Variants in SLC1A6 observed in about 807,000 individuals in gnomAD.
The protein encoded by SLC1A6 is excitatory amino acid transporter 4.
A neutral mutation model predicts 42.1 loss-of-function variants in SLC1A6; 15 were observed. That is an observed-to-expected ratio of 0.36 (90% CI 0.24 to 0.55). The LOEUF is 0.55. Ranked by LOEUF, SLC1A6 falls within the 20% of genes least tolerant of loss-of-function variation. SLC1A6 has a pLI of 0.88. For missense variants in SLC1A6, 542 were observed against 772.5 expected (o/e 0.70, Z 3.54); for synonymous variants, 317 against 319.7 (o/e 0.99, Z 0.09).
At chr19:14,978,741 G>A (rs1019851930) in intron 1 of SLC1A6, among the ~76,000 whole-genome samples, 1 of 150,860 alleles carries the variant, frequency 6.6e-6, no homozygotes, top group African/African-American at 2.4e-5. Flanking sequence ...CACACCTTCA[G>A]AAATGCAATT....
intron 5 of SLC1A6, 129 bp from the exon 6 acceptor site, chr19:14,962,474 T>C: frequency 1.5e-6 from 1 of 645,380 alleles, no homozygotes; most frequent in East Asian, 2.6e-5. Flanking sequence ...TCATTATCGA[T>C]TATCACTCAT....
Position 14,970,075 on chromosome 19 carries a change from T to C in SLC1A6, c.344-1568A>G, listed in dbSNP as rs921376260. ...CAATTAATAGTAGATAACATTTCTC[T>C]TCCTTATCATTTTTTTAATAGACAG... On this transcript the variant is annotated intron_variant, in intron 3 of 9. Transcript: ENST00000594383. 7.9e-5 allele frequency among the ~76,000 whole-genome samples: 12 copies of C among 152,088 alleles called. No individual in the cohort carries two copies. In the East Asian group the frequency reaches 1.9e-3, roughly 25 times the overall value.
intron 8 of SLC1A6, among the ~76,000 whole-genome samples, chr19:14,953,829 T>C (rs1217054496): frequency 6.6e-6 from 1 of 152,028 alleles, no homozygotes; most frequent in African/African-American, 2.4e-5. Flanking sequence ...AATATAAGAA[T>C]CTATATACAA....
At chr19:14,973,821 C>G (rs944933747) in intron 1 of SLC1A6, 3 of 152,302 alleles carry the variant, frequency 2.0e-5, no homozygotes, top group Non-Finnish European at 4.4e-5. Context: ...GCCTGGCAAA[C>G]AGCAGGTGCC....
intron 2 of SLC1A6, among the ~76,000 whole-genome samples, chr19:14,972,472 G>A (rs1439537376): frequency 6.6e-6 from 1 of 152,252 alleles, no homozygotes; most frequent in Non-Finnish European, 1.5e-5. Flanking sequence ...GTGAGTGTGT[G>A]TGTACACATG....
At chr19:14,964,298 A>G (rs1377411272) in intron 5 of SLC1A6, 21 bp downstream of exon 5, 1 of 1,610,656 alleles carries the variant, frequency 6.2e-7, no homozygotes, top group Non-Finnish European at 8.5e-7. Flanking sequence ...TCCTTGATCA[A>G]ACTGTGTACT....
At chr19:15,009,594 G>A (rs2045914772) in intron 1 of SLC1A6, among the ~76,000 whole-genome samples, 1 of 152,030 alleles carries the variant, frequency 6.6e-6, no homozygotes. Context: ...AACAGACATT[G>A]GAGGCTCCCG....
At chr19:14,968,712 C>A (rs2045602994) in intron 3 of SLC1A6, among the ~76,000 whole-genome samples, 1 of 152,030 alleles carries the variant, frequency 6.6e-6, no homozygotes, top group African/African-American at 2.4e-5. Context: ...TACACACCCT[C>A]ACACGCCATC....
upstream of SLC1A6, chr19:14,979,864 T>TGGGGGTGGGC (rs1409992931): frequency 5.6e-5 from 1 of 17,818 alleles, no homozygotes; most frequent in Non-Finnish European, 1.3e-4. The surrounding 1 kb of genome is among the most constrained non-coding windows in gnomAD (Gnocchi z 4.2). Flanking sequence ...GGAGGGGGAC[T>TGGGGGTGGGC]GGGGGTGGGC....
chr19:14,950,158 C>T lies in SLC1A6; in HGVS notation c.*37G>A. On this transcript the variant is annotated 3_prime_UTR_variant, in exon 10 of 10. Transcript: ENST00000594383. ...CACCAGGACTCCCCTCCCCAGCCCC[C>T]TTCCCTCCTCTCTGGGGGGGCAGAG... is the stretch of plus-strand genomic sequence containing the variant. The T allele has an allele frequency of 6.9e-7, 1 of 1,441,482 alleles. No individual in the cohort carries two copies. Among genetic ancestry groups the T allele is most frequent in the Non-Finnish European group, 9.2e-7 (1 of 1,086,900 alleles). The allele number at this position is 1,441,482 out of a possible 1,614,324, so 89.3% of individuals were successfully genotyped here.
chr19:14,992,847 C>T (rs979751317), intron 1 of SLC1A6, among the ~76,000 whole-genome samples: 5 of 152,120 alleles, frequency 3.3e-5, no homozygotes, highest in African/African-American at 7.2e-5. Context: ...AGCTTGAACA[C>T]GAGCTGAGCC....
At chr19:14,957,521 G>A (rs1419224248) in intron 6 of SLC1A6, among the ~76,000 whole-genome samples, 1 of 152,168 alleles carries the variant, frequency 6.6e-6, no homozygotes, top group Non-Finnish European at 1.5e-5. Flanking sequence ...GCAAGAAGAC[G>A]CCTTCCATGA....
intron 1 of SLC1A6, among the ~76,000 whole-genome samples, chr19:14,987,339 C>T (rs2045797526): frequency 6.6e-6 from 1 of 151,902 alleles, no homozygotes; most frequent in Non-Finnish European, 1.5e-5. Flanking sequence ...TGGTGGTGCA[C>T]ACCTGTAATC....
chr19:14,978,156 T>G (rs1216743231), intron 1 of SLC1A6: 2 of 152,210 alleles, frequency 1.3e-5, no homozygotes, highest in African/African-American at 4.8e-5. Flanking sequence ...TCCCTTCTAG[T>G]GTTCCCAGTT....
At chr19:14,974,758 G>A in intron 1 of SLC1A6, 1 of 151,958 alleles carries the variant, frequency 6.6e-6, no homozygotes, top group Admixed American at 6.6e-5. Context: ...TGTGTTATGT[G>A]AATTCCCCTC....
chr19:15,005,388 A>G (rs1259028680), intron 1 of SLC1A6, among the ~76,000 whole-genome samples: 4 of 152,132 alleles, frequency 2.6e-5, no homozygotes, highest in Non-Finnish European at 5.9e-5. Flanking sequence ...GGGCATCTGT[A>G]ATCCCAGCTA....
At chr19:15,008,098 T>C (rs1167817234) in intron 1 of SLC1A6, among the ~76,000 whole-genome samples, 2 of 149,192 alleles carry the variant, frequency 1.3e-5, no homozygotes, top group African/African-American at 4.9e-5. Context: ...AATCTCACCA[T>C]TTTGGGAGGC....
chr19:15,002,466 G>C (rs2045876496), intron 1 of SLC1A6, among the ~76,000 whole-genome samples: 1 of 152,144 alleles, frequency 6.6e-6, no homozygotes, highest in Non-Finnish European at 1.5e-5. Flanking sequence ...AAGTGAAAGA[G>C]CAAGCAAGAG....
chr19:14,970,417 A>G (rs1300884906), intron 3 of SLC1A6, among the ~76,000 whole-genome samples: 2 of 152,142 alleles, frequency 1.3e-5, no homozygotes, highest in Non-Finnish European at 2.9e-5. Flanking sequence ...GTACTTTAAG[A>G]ATATAGTATA....
Sources: allele counts gnomAD v4.1 joint callset (sites outside exome capture counted in the v4.1 genomes callset), GRCh38; gene constraint gnomAD v4.1.1; non-coding constraint Gnocchi (gnomAD v3.1); transcripts MANE v1.5; gene names NCBI Gene and HGNC (gene_info 2026-07-23, HGNC 2026-07-21).